Variants in ATAD2B observed in about 807,000 individuals in gnomAD.
ATAD2B encodes ATPase family AAA domain containing 2B.
Under a neutral mutation model 167.6 loss-of-function variants are expected in ATAD2B, and 40 were observed. The observed-to-expected ratio is 0.24, with a 90% CI of 0.19 to 0.31. ATAD2B has a LOEUF of 0.31. Among genes scored for constraint, ATAD2B ranks in the 10% least tolerant of loss-of-function variants. The pLI is 1.00. For synonymous variants in ATAD2B, 579 were observed against 596.5 expected (o/e 0.97, Z 0.43); for missense variants, 1,242 against 1,757.2 (o/e 0.71, Z 5.24).
Position 23,869,673 on chromosome 2 carries a change from C to A in ATAD2B, c.1066G>T (p.Ala356Ser). 6.4e-7 allele frequency: 1 copy of A among 1,560,960 alleles called. No individual in the cohort carries two copies. Among genetic ancestry groups the A allele is most frequent in the Non-Finnish European group, 8.7e-7 (1 of 1,150,172 alleles). The change falls in exon 9 of 28, where the codon GCA (alanine) becomes TCA (serine). Residue 356 changes from alanine to serine, a missense_variant. Around this residue, in one of 9 missense-constraint regions of ATAD2B, gnomAD observed 127 missense variants for 146.3 expected, o/e 0.87. Coordinates refer to ENST00000238789, the MANE Select transcript of ATAD2B (RefSeq NM_017552.4). ...ERRKSKSMAR[A>S]RNRCLPMNFR... Reference sequence around the variant, plus strand: ...ACAAATTTTACTAACCTATTTCTTGCTCTTGCCATGCTCTTTGATTTCCTT... The same window carrying A: ...ACAAATTTTACTAACCTATTTCTTGATCTTGCCATGCTCTTTGATTTCCTT...
chr2:23,807,794 C>A (rs113797572), intron 18 of ATAD2B, among the ~76,000 whole-genome samples: 1 of 130,796 alleles, frequency 7.6e-6, no homozygotes, highest in African/African-American at 2.9e-5. Context: ...CCAGCCTGGG[C>A]AACAGAGCGT....
chr2:23,740,300 C>G, the ATAD2B span, among the ~76,000 whole-genome samples: 1 of 152,124 alleles, frequency 6.6e-6, no homozygotes, highest in Non-Finnish European at 1.5e-5. Context: ...TAAAAATCCT[C>G]AATAAAATAC....
intron 20 of ATAD2B, among the ~76,000 whole-genome samples, chr2:23,786,519 G>A (rs535537200): frequency 6.6e-6 from 1 of 152,048 alleles, no homozygotes; most frequent in South Asian, 2.1e-4. Context: ...ACTGAATACT[G>A]TAGGCAACTG....
chr2:23,709,783 G>A, the ATAD2B span, among the ~76,000 whole-genome samples: 6 of 152,170 alleles, frequency 3.9e-5, no homozygotes, highest in Non-Finnish European at 5.9e-5. Flanking sequence ...AAAGGATGGC[G>A]AATGTCTAGA....
intron 1 of ATAD2B, among the ~76,000 whole-genome samples, chr2:23,910,905 G>A (rs1331097564): frequency 6.6e-6 from 1 of 150,732 alleles, no homozygotes; most frequent in African/African-American, 2.4e-5. Flanking sequence ...GAAGAACAGT[G>A]GAGGAGCACG....
intron 24 of ATAD2B, among the ~76,000 whole-genome samples, chr2:23,759,453 A>T (rs1323514228): frequency 6.6e-6 from 1 of 152,174 alleles, no homozygotes; most frequent in African/African-American, 2.4e-5. Flanking sequence ...ATGAATTTAG[A>T]ATCTATCAAC....
chr2:23,725,089 T>C, the ATAD2B span, among the ~76,000 whole-genome samples: 3 of 144,614 alleles, frequency 2.1e-5, no homozygotes, highest in African/African-American at 7.6e-5. Flanking sequence ...CAATGCATTA[T>C]ATATAAATCA....
chr2:23,883,540 A>G, intron 6 of ATAD2B: 1 of 1,064,570 alleles, frequency 9.4e-7, no homozygotes, highest in Non-Finnish European at 1.3e-6. Context: ...TGGAAACTCT[A>G]CAAAGATGTT....
the ATAD2B span, among the ~76,000 whole-genome samples, chr2:23,683,199 A>G: frequency 4.6e-5 from 7 of 152,206 alleles, no homozygotes; most frequent in Non-Finnish European, 8.8e-5. Flanking sequence ...ACAACCAATG[A>G]GGCTGGAGCA....
At position 23,748,800 on chromosome 2, in the gene ATAD2B, A is replaced by C. The variant is rs1014977697; in HGVS notation, c.*3246T>G. ...AAATGAAGTCAAATGCAAAACATCA[A>C]TTTAACACAATTCTAAATTAAAACT... On this transcript the variant is annotated 3_prime_UTR_variant, in exon 28 of 28. Coordinates refer to ENST00000238789, the MANE Select transcript of ATAD2B (RefSeq NM_017552.4). 1.4e-4 allele frequency: 21 copies of C among 152,166 alleles called. No homozygotes were observed. Among genetic ancestry groups the C allele is most frequent in the Non-Finnish European group, 2.6e-4 (18 of 68,016 alleles). 9.4% of individuals were successfully genotyped at this position (152,166 alleles called of 1,614,324 possible).
chr2:23,796,529 A>C (rs1682647712), intron 19 of ATAD2B, among the ~76,000 whole-genome samples: 1 of 152,198 alleles, frequency 6.6e-6, no homozygotes, highest in Non-Finnish European at 1.5e-5. Flanking sequence ...TTTATTTAGA[A>C]ATTTTTCAAA....
chr2:23,802,901 A>G (rs1354608940), intron 18 of ATAD2B, among the ~76,000 whole-genome samples: 4 of 152,110 alleles, frequency 2.6e-5, no homozygotes, highest in Non-Finnish European at 5.9e-5. Flanking sequence ...TTTCACCAAG[A>G]AAAGACCTTA....
chr2:23,915,320 TG>T (rs1004964492), intron 1 of ATAD2B, among the ~76,000 whole-genome samples: 3 of 152,066 alleles, frequency 2.0e-5, no homozygotes, highest in African/African-American at 7.2e-5. Context: ...ATAATTATTT[TG>T]GGACAAGCAT....
intron 13 of ATAD2B, among the ~76,000 whole-genome samples, chr2:23,854,217 C>T (rs776970280): frequency 6.6e-6 from 1 of 151,936 alleles, no homozygotes; most frequent in East Asian, 1.9e-4. Flanking sequence ...TGCACTCCAG[C>T]CTGGGCAACA....
At chr2:23,904,208 C>G (rs1242420969) in intron 1 of ATAD2B, among the ~76,000 whole-genome samples, 1 of 151,816 alleles carries the variant, frequency 6.6e-6, no homozygotes, top group African/African-American at 2.4e-5. Context: ...GAAGTCAAAA[C>G]CTTAAAAAAA....
intron 19 of ATAD2B, among the ~76,000 whole-genome samples, chr2:23,795,268 T>G (rs138098597): frequency 1.7e-4 from 26 of 152,346 alleles, no homozygotes; most frequent in African/African-American, 5.8e-4. Context: ...CCATACACAT[T>G]GATTTATTAC....
At chr2:23,690,266 G>A in the ATAD2B span, 5 of 152,244 alleles carry the variant, frequency 3.3e-5, no homozygotes, top group Non-Finnish European at 4.4e-5. Context: ...AAATCTCCAA[G>A]GGAATTCAGA....
intron 1 of ATAD2B, among the ~76,000 whole-genome samples, chr2:23,925,311 C>G (rs1704567954): frequency 6.6e-6 from 1 of 152,048 alleles, no homozygotes; most frequent in Non-Finnish European, 1.5e-5. Flanking sequence ...AAAGCCAAAA[C>G]GATTTTCAAA....
chr2:23,922,987 C>A (rs953996646), intron 1 of ATAD2B, among the ~76,000 whole-genome samples: 4 of 152,170 alleles, frequency 2.6e-5, no homozygotes, highest in Non-Finnish European at 5.9e-5. Context: ...ACCATATGAT[C>A]CAGCAATCCC....
Sources: allele counts gnomAD v4.1 joint callset (sites outside exome capture counted in the v4.1 genomes callset), GRCh38; gene constraint gnomAD v4.1.1; regional missense constraint gnomAD v4.1.1; transcripts MANE v1.5; gene names NCBI Gene and HGNC (gene_info 2026-07-23, HGNC 2026-07-21).